Variants in FAM13B observed in about 807,000 individuals in gnomAD.
The protein encoded by FAM13B is family with sequence similarity 13 member B, also known as protein FAM13B.
FAM13B carries 60 observed loss-of-function variants against 117.3 expected under a neutral mutation model. The ratio of observed to expected loss-of-function variants is 0.51; its 90% CI spans 0.42 to 0.63. The LOEUF (loss-of-function observed/expected upper bound fraction) is 0.63, where lower values mean the gene tolerates loss of function less well. Ranked by LOEUF, FAM13B falls within the 30% of genes least tolerant of loss-of-function variation. The pLI, the probability that FAM13B is intolerant of heterozygous loss-of-function variation, is 0.00. For synonymous variants in FAM13B, 332 were observed against 356.1 expected (o/e 0.93, Z 0.76); for missense variants, 972 against 1,091.9 (o/e 0.89, Z 1.55).
At chr5:138,036,459 G>C (rs1165355564), upstream of FAM13B, 1 of 456,718 alleles carries the variant, frequency 2.2e-6, no homozygotes, top group Admixed American at 2.3e-5. Context: ...GTGGGAGTCA[G>C]ACACAGGCCC....
At position 137,939,357 on chromosome 5, in the gene FAM13B, A is replaced by G. The variant is rs1207667302; in HGVS notation, c.*868T>C. 1 of 152,742 alleles carries G rather than the reference A, an allele frequency of 6.5e-6. No individual in the cohort carries two copies. The highest frequency in any genetic ancestry group is 1.5e-5 in the Non-Finnish European group (1 of 68,088). The allele number at this position is 152,742 out of a possible 1,614,324, so 9.5% of individuals were successfully genotyped here. A position where few individuals can be genotyped will look rare whatever the true frequency, so the allele number is the denominator to read the frequency against. ...ATTGATTGAACACACAAATCTGAGC[A>G]CCATCAGAGTTCCTACATACTGACA... On this transcript the variant is annotated 3_prime_UTR_variant, in exon 24 of 24. Transcript: ENST00000689681.
chr5:138,047,987 A>G (rs1385792799), intron 1 of FAM13B, among the ~76,000 whole-genome samples: 2 of 152,252 alleles, frequency 1.3e-5, no homozygotes, highest in Admixed American at 1.3e-4. Context: ...CTTTAGGTTT[A>G]CAGAAAAGTT....
intron 14 of FAM13B, 147 bp downstream of exon 14, chr5:137,956,330 A>T: frequency 4.7e-6 from 2 of 429,596 alleles, no homozygotes; most frequent in Non-Finnish European, 8.4e-6. Context: ...AGAAAAGACA[A>T]AAGTAATAGC....
At chr5:137,953,046 C>T (rs974241933) in intron 16 of FAM13B, among the ~76,000 whole-genome samples, 9 of 152,128 alleles carry the variant, frequency 5.9e-5, no homozygotes, top group Admixed American at 2.0e-4. Flanking sequence ...TTTGATAGAG[C>T]AGAAATAGCA....
At chr5:137,982,743 G>C (rs996879900) in intron 10 of FAM13B, among the ~76,000 whole-genome samples, 3 of 152,102 alleles carry the variant, frequency 2.0e-5, no homozygotes, top group Admixed American at 1.3e-4. Context: ...AAATACACAG[G>C]TGTGTCTGTT....
intron 7 of FAM13B, among the ~76,000 whole-genome samples, chr5:137,989,342 G>C (rs931716822): frequency 1.3e-5 from 2 of 152,198 alleles, no homozygotes; most frequent in Admixed American, 6.5e-5. Flanking sequence ...TCTCAGTAGC[G>C]AAGTGAACAA....
chr5:137,946,351 A>C lies in FAM13B; in HGVS notation c.2161-40T>G, dbSNP rs530893120. 45 of 1,356,358 alleles carry C rather than the reference A, an allele frequency of 3.3e-5. No homozygotes were observed. The South Asian group carries it at 3.5e-4, about 11-fold the overall frequency. The allele number at this position is 1,356,358 out of a possible 1,614,324, so 84.0% of individuals were successfully genotyped here. A position where few individuals can be genotyped will look rare whatever the true frequency, so the allele number is the denominator to read the frequency against. On this transcript the variant is annotated intron_variant, in intron 18 of 23. Transcript: ENST00000689681. ...AAAAAATAACAAAATACAAAAAAAA[A>C]AAAACAAAAACAAAAAAACTCCACT...
At chr5:137,980,263 T>A (rs1489522945) in intron 10 of FAM13B, among the ~76,000 whole-genome samples, 1 of 151,910 alleles carries the variant, frequency 6.6e-6, no homozygotes, top group Admixed American at 6.6e-5. Flanking sequence ...ATTGCCCAAC[T>A]GAACTAACTT....
chr5:138,049,651 T>C (rs1329757597), intron 1 of FAM13B, among the ~76,000 whole-genome samples: 1 of 152,234 alleles, frequency 6.6e-6, no homozygotes, highest in Admixed American at 6.5e-5. Flanking sequence ...ATTTTCCATC[T>C]GTCAGCCTCC....
At chr5:137,968,280 A>AG in intron 10 of FAM13B, among the ~76,000 whole-genome samples, 1 of 151,948 alleles carries the variant, frequency 6.6e-6, no homozygotes, top group South Asian at 2.1e-4. Flanking sequence ...CTAAAAAAAA[A>AG]AAGTACAAAA....
Position 138,011,022 on chromosome 5 carries a change from A to G in FAM13B, c.676T>C (p.Ser226Pro). Residue 226 changes from serine (S) to proline (P), a missense_variant, in exon 6 of 24, where the codon TCA becomes CCA. Physicochemically the swap from Ser to Pro is moderately conservative, Grantham distance 74 (BLOSUM62 -1). Transcript: ENST00000689681. Reference protein sequence around the residue: ...EEDFSSNDLSSITEQVNELSE... With the variant: ...EEDFSSNDLSPITEQVNELSE... ...AATATTCTCACCTGTTCAGTAATTG[A>G]ACTCAAATCATTAGATGAAAAATCT... 1 of 1,597,142 alleles carries G rather than the reference A, an allele frequency of 6.3e-7. No individual in the cohort carries two copies. Among genetic ancestry groups the G allele is most frequent in the Non-Finnish European group, 8.5e-7 (1 of 1,175,212 alleles).
chr5:137,988,396 C>T (rs1777767531), intron 7 of FAM13B, 81 bp from the exon 8 acceptor site: 1 of 1,105,694 alleles, frequency 9.0e-7, no homozygotes, highest in Non-Finnish European at 1.3e-6. Context: ...GCCATATTTG[C>T]ACTACCTTGA....
intron 4 of FAM13B, among the ~76,000 whole-genome samples, chr5:138,016,978 T>C (rs1418703208): frequency 1.3e-5 from 2 of 152,170 alleles, no homozygotes; most frequent in East Asian, 1.9e-4. Flanking sequence ...ACATAAACAT[T>C]TGAAAAAATT....
At chr5:137,962,734 A>C (rs1441393833) in intron 10 of FAM13B, among the ~76,000 whole-genome samples, 1 of 152,040 alleles carries the variant, frequency 6.6e-6, no homozygotes, top group Non-Finnish European at 1.5e-5. Flanking sequence ...CTTCTTCCTT[A>C]GAATTATCTC....
intron 1 of FAM13B, among the ~76,000 whole-genome samples, chr5:138,032,477 G>A (rs994991598): frequency 6.6e-6 from 1 of 152,204 alleles, no homozygotes; most frequent in Non-Finnish European, 1.5e-5. Flanking sequence ...GGGGTGTCGC[G>A]CCATCTACTC....
chr5:137,981,247 T>C (rs1317130517), intron 10 of FAM13B, among the ~76,000 whole-genome samples: 1 of 151,826 alleles, frequency 6.6e-6, no homozygotes, highest in Non-Finnish European at 1.5e-5. Context: ...CCCATGAAGT[T>C]TTAATCTAAT....
intron 7 of FAM13B, among the ~76,000 whole-genome samples, chr5:137,999,638 C>T (rs912368062): frequency 2.0e-5 from 3 of 152,178 alleles, no homozygotes; most frequent in African/African-American, 7.2e-5. Flanking sequence ...GCAACACCCA[C>T]TCCTCAGCAC....
At chr5:138,049,881 T>C (rs1791750970) in intron 1 of FAM13B, among the ~76,000 whole-genome samples, 1 of 152,104 alleles carries the variant, frequency 6.6e-6, no homozygotes, top group Non-Finnish European at 1.5e-5. Flanking sequence ...ATCTCAGCAC[T>C]TTGGGAGGCT....
At chr5:137,958,806 C>A (rs998519033) in intron 13 of FAM13B, among the ~76,000 whole-genome samples, 1 of 152,192 alleles carries the variant, frequency 6.6e-6, no homozygotes, top group Non-Finnish European at 1.5e-5. Context: ...ATACCAATCA[C>A]AATCTACCAT....
Sources: allele counts gnomAD v4.1 joint callset (sites outside exome capture counted in the v4.1 genomes callset), GRCh38; gene constraint gnomAD v4.1.1; transcripts MANE v1.5; gene names NCBI Gene and HGNC (gene_info 2026-07-23, HGNC 2026-07-21).